DNAJB4: variants seen among roughly 807,000 people sequenced by gnomAD.
DNAJB4 encodes the protein DnaJ heat shock protein family (Hsp40) member B4.
In DNAJB4, 10 loss-of-function variants were observed where a neutral mutation model predicts 26.6. The observed-to-expected ratio is 0.38, with a 90% CI of 0.23 to 0.64. The LOEUF is 0.64. DNAJB4 is among the 30% of genes least tolerant of loss of function. The pLI is 0.58. For synonymous variants in DNAJB4, 136 were observed against 134.8 expected, an observed-to-expected ratio of 1.01 and a Z score of -0.06; for missense variants, 328 against 408.2, an observed-to-expected ratio of 0.80 and a Z score of 1.69.
chr1:77,997,314 C>CA (rs371562329), intron 1 of DNAJB4, among the ~76,000 whole-genome samples: 10,669 of 67,750 alleles, frequency 0.16, 1,350 homozygotes, highest in African/African-American at 0.35. Flanking sequence ...CCTGTCTCTA[C>CA]AAAAAAAAAA....
At chr1:77,987,505 T>A (rs1469401041) in intron 1 of DNAJB4, among the ~76,000 whole-genome samples, 2 of 152,190 alleles carry the variant, frequency 1.3e-5, no homozygotes, top group African/African-American at 2.4e-5. Context: ...CCTCAAGCAG[T>A]CCTTCTGCCT....
chr1:77,988,962 G>A (rs1430862045), intron 1 of DNAJB4, among the ~76,000 whole-genome samples: 1 of 152,110 alleles, frequency 6.6e-6, no homozygotes, highest in Admixed American at 6.6e-5. Context: ...TCCTTAGTGG[G>A]ATTTAGTAAT....
At chr1:77,999,367 TG>T (rs1409641658) in intron 1 of DNAJB4, among the ~76,000 whole-genome samples, 1 of 152,014 alleles carries the variant, frequency 6.6e-6, no homozygotes, top group Non-Finnish European at 1.5e-5. Context: ...AGAAAGCATA[TG>T]GAAGTATTTT....
intron 1 of DNAJB4, among the ~76,000 whole-genome samples, chr1:77,994,475 T>G (rs1196201012): frequency 6.6e-6 from 1 of 152,118 alleles, no homozygotes; most frequent in East Asian, 1.9e-4. Flanking sequence ...ATCAGTTTGT[T>G]GCAGTCTTGG....
chr1:78,015,881 T>G (rs778708320), intron 2 of DNAJB4, 133 bp from the exon 3 acceptor site: 3 of 827,938 alleles, frequency 3.6e-6, no homozygotes, highest in South Asian at 1.9e-5. Flanking sequence ...GAAAAAAAAT[T>G]TATAACTATT....
chr1:77,989,139 C>T (rs182903542), intron 1 of DNAJB4, among the ~76,000 whole-genome samples: 1 of 152,224 alleles, frequency 6.6e-6, no homozygotes, highest in Admixed American at 6.5e-5. Flanking sequence ...TCTTGGTCTT[C>T]CTAGTCCTTT....
chr1:78,001,343 A>C (rs1277067568), upstream of DNAJB4, among the ~76,000 whole-genome samples: 7 of 90,120 alleles, frequency 7.8e-5, no homozygotes, highest in Non-Finnish European at 1.2e-4. Context: ...CATCTCAAAA[A>C]AGAAAAAAAA....
chr1:77,992,143 G>GT, intron 1 of DNAJB4, among the ~76,000 whole-genome samples: 1 of 152,176 alleles, frequency 6.6e-6, no homozygotes, highest in African/African-American at 2.4e-5. Flanking sequence ...GCCGGGCGCG[G>GT]TGGCTCACGC....
chr1:77,998,183 A>G (rs1660109563), intron 1 of DNAJB4, among the ~76,000 whole-genome samples: 5 of 152,332 alleles, frequency 3.3e-5, no homozygotes, highest in South Asian at 4.1e-4. Flanking sequence ...GATAATGTCT[A>G]TCTAGTTAAC....
chr1:77,991,793 G>A (rs1202116925), intron 1 of DNAJB4, among the ~76,000 whole-genome samples: 1 of 152,194 alleles, frequency 6.6e-6, no homozygotes, highest in Non-Finnish European at 1.5e-5. Context: ...GTGTTGCTAA[G>A]CACAAGAAGG....
intron 1 of DNAJB4, among the ~76,000 whole-genome samples, chr1:77,992,084 A>G (rs989351203): frequency 1.3e-5 from 2 of 152,196 alleles, no homozygotes; most frequent in African/African-American, 2.4e-5. Flanking sequence ...AACCATGGCA[A>G]ATGTTTTATA....
rs982413338 is a variant in DNAJB4 at position 77,983,987 on chromosome 1, CT to C, written c.-32+3672del. On this transcript the variant is annotated intron_variant, in intron 1 of 2. Coordinates refer to the DNAJB4 transcript ENST00000426517. Reference sequence around the variant, plus strand: ...AGATGAATTCAGGGTCTAGAAACAGCTTTTTTTAAACTGTTAAAATAATTAA... The same window carrying C: ...AGATGAATTCAGGGTCTAGAAACAGCTTTTTTAAACTGTTAAAATAATTAA... Among the ~76,000 whole-genome samples, 10 of 152,240 alleles carry C rather than the reference CT, an allele frequency of 6.6e-5. 1 individual carries two copies. Among genetic ancestry groups the C allele is most frequent in the African/African-American group, 1.7e-4 (7 of 41,538 alleles).
At chr1:78,012,486 G>A (rs937600807) in intron 1 of DNAJB4, among the ~76,000 whole-genome samples, 2 of 150,990 alleles carry the variant, frequency 1.3e-5, no homozygotes, top group Non-Finnish European at 2.9e-5. Context: ...TTACTTACCC[G>A]TGGAACAAAG....
upstream of DNAJB4, chr1:78,004,329 A>C (rs749040523): frequency 6.6e-6 from 1 of 152,238 alleles, no homozygotes; most frequent in Non-Finnish European, 1.5e-5. Context: ...TAGTTAGCTA[A>C]AATCATGTTT....
rs1481175653 is a variant in DNAJB4 at position 78,016,839 on chromosome 1, TCA to T, written c.*593_*594del. 3 of 152,174 alleles carry T rather than the reference TCA, an allele frequency of 2.0e-5. No homozygotes were observed. The highest frequency in any genetic ancestry group is 7.2e-5 in the African/African-American group (3 of 41,472). 9.4% of individuals were successfully genotyped at this position (152,174 alleles called of 1,614,324 possible). Reference sequence around the variant, plus strand: ...TGATGTTCTTAAGGCAGATCTTTCTTCATAAAAAGGAAAGTAATGGCAATTTC... The same window carrying T: ...TGATGTTCTTAAGGCAGATCTTTCTTTAAAAAGGAAAGTAATGGCAATTTC... On this transcript the variant is annotated 3_prime_UTR_variant, in exon 3 of 3. Coordinates refer to ENST00000370763, the MANE Select transcript of DNAJB4 (RefSeq NM_007034.5).
intron 1 of DNAJB4, among the ~76,000 whole-genome samples, chr1:77,988,145 C>G (rs1396861267): frequency 1.3e-5 from 2 of 150,804 alleles, no homozygotes; most frequent in Non-Finnish European, 2.9e-5. Context: ...CCTCGGCCTT[C>G]TGAGTAGCTA....
intron 1 of DNAJB4, chr1:77,981,430 C>T (rs967217554): frequency 2.8e-4 from 43 of 152,284 alleles, no homozygotes; most frequent in African/African-American, 9.6e-4. Flanking sequence ...AGTTCTGCCT[C>T]AGCCTCCCGA....
chr1:77,983,261 C>T (rs1370593224), intron 1 of DNAJB4, among the ~76,000 whole-genome samples: 3 of 152,204 alleles, frequency 2.0e-5, no homozygotes, highest in East Asian at 3.8e-4. Context: ...AGCCCTAAGG[C>T]GGTTTTTCCC....
At chr1:78,014,704 A>G (rs1660586952) in intron 2 of DNAJB4, among the ~76,000 whole-genome samples, 1 of 151,482 alleles carries the variant, frequency 6.6e-6, no homozygotes, top group Non-Finnish European at 1.5e-5. Flanking sequence ...AGGTTCAAGT[A>G]ATTCTCCTGC....
Sources: gnomAD v4.1 joint callset for allele counts (sites outside exome capture counted in the v4.1 genomes callset) on GRCh38, gnomAD v4.1.1 for gene constraint, MANE v1.5 for transcripts, NCBI Gene and HGNC (gene_info 2026-07-23, HGNC 2026-07-21) for gene names.